ADAMTSL3: variants seen among roughly 807,000 people sequenced by gnomAD.
ADAMTSL3 encodes ADAMTS-like protein 3.
In ADAMTSL3, 128 loss-of-function variants were observed where a neutral mutation model predicts 201.7. The observed-to-expected ratio is 0.63, with a 90% CI of 0.55 to 0.73. ADAMTSL3 has a LOEUF of 0.73. Among genes scored for constraint, ADAMTSL3 ranks in the 30% least tolerant of loss-of-function variants. ADAMTSL3 has a pLI of 0.00. For synonymous variants in ADAMTSL3, 738 were observed against 748.4 expected (o/e 0.99, Z 0.23); for missense variants, 1,990 against 2,119.6 (o/e 0.94, Z 1.20).
At chr15:83,753,415 G>C (rs72746913) in intron 3 of ADAMTSL3, among the ~76,000 whole-genome samples, 19,567 of 152,180 alleles carry the variant, frequency 0.13, 1,633 homozygotes, top group South Asian at 0.29. Context: ...AGAGGTATGA[G>C]ATAGAAACAA....
At chr15:83,983,365 G>A (rs1451520190) in intron 21 of ADAMTSL3, 21 bp downstream of exon 21, 3 of 1,420,786 alleles carry the variant, frequency 2.1e-6, no homozygotes, top group East Asian at 4.9e-5. Flanking sequence ...TAAAAATGCA[G>A]TATTCATTTT....
intron 6 of ADAMTSL3, among the ~76,000 whole-genome samples, chr15:83,826,102 A>G (rs968084518): frequency 1.3e-5 from 2 of 152,008 alleles, no homozygotes; most frequent in Admixed American, 1.3e-4. Flanking sequence ...AATTCTAAAG[A>G]TTAAGGATGT....
intron 9 of ADAMTSL3, among the ~76,000 whole-genome samples, chr15:83,876,481 C>T (rs776910376): frequency 2.8e-4 from 43 of 152,122 alleles, no homozygotes; most frequent in African/African-American, 9.9e-4. Context: ...TATCAGTTTG[C>T]CTATACAGAA....
chr15:83,996,022 A>C (rs952083092), intron 23 of ADAMTSL3, among the ~76,000 whole-genome samples: 3 of 152,216 alleles, frequency 2.0e-5, no homozygotes, highest in African/African-American at 7.2e-5. Flanking sequence ...TAAAGGACAG[A>C]CTAGTAAGTA....
At chr15:83,668,765 A>C (rs1250253625) in intron 2 of ADAMTSL3, among the ~76,000 whole-genome samples, 1 of 152,126 alleles carries the variant, frequency 6.6e-6, no homozygotes, top group African/African-American at 2.4e-5. Context: ...CTATTTTTAA[A>C]AATTTGTGTG....
chr15:83,684,511 C>CTA (rs1220245302), intron 2 of ADAMTSL3, among the ~76,000 whole-genome samples: 1 of 151,870 alleles, frequency 6.6e-6, no homozygotes, highest in Non-Finnish European at 1.5e-5. Context: ...CTGTAGTGTG[C>CTA]TATAGTTGTG....
chr15:83,726,326 C>G (rs932040182), intron 3 of ADAMTSL3, among the ~76,000 whole-genome samples: 1 of 152,030 alleles, frequency 6.6e-6, no homozygotes, highest in Non-Finnish European at 1.5e-5. Flanking sequence ...AATATAAGAT[C>G]ATATCATCTG....
At chr15:83,822,856 G>T (rs904322289) in intron 6 of ADAMTSL3, among the ~76,000 whole-genome samples, 107 of 152,036 alleles carry the variant, frequency 7.0e-4, no homozygotes, top group African/African-American at 2.0e-3. Context: ...CTGGGAGGTG[G>T]AGGTTGTAGC....
chr15:83,996,780 CAAAAAAAAAAAAAAA>C (rs35758954), intron 23 of ADAMTSL3, among the ~76,000 whole-genome samples: 2 of 33,838 alleles, frequency 5.9e-5, no homozygotes, highest in African/African-American at 1.3e-4. Flanking sequence ...GACTCTGCCT[CAAAAAAAAAAAAAAA>C]AAAAAAAAAA....
intron 27 of ADAMTSL3, among the ~76,000 whole-genome samples, chr15:84,030,342 C>T (rs1273969264): frequency 6.6e-6 from 1 of 152,186 alleles, no homozygotes; most frequent in African/African-American, 2.4e-5. Context: ...GGGAGCCCAC[C>T]TCTTACATCA....
intron 23 of ADAMTSL3, among the ~76,000 whole-genome samples, chr15:83,999,595 CTGAT>C (rs1278873878): frequency 1.3e-5 from 2 of 152,146 alleles, no homozygotes; most frequent in Admixed American, 1.3e-4. Flanking sequence ...TTACAGTTTC[CTGAT>C]TAATTCCACA....
In ADAMTSL3 at chr15:83,994,585, CGTTT is replaced by C. The variant is rs1396696166; in HGVS notation, c.3973+3372_3973+3375del. 1.2e-3 allele frequency among the ~76,000 whole-genome samples: 60 copies of C among 50,474 alleles called. 1 individual carries two copies. Among genetic ancestry groups the C allele is most frequent in the Middle Eastern group, 0.025 (1 of 40 alleles). The allele number at this position is 50,474 out of a possible 152,430, so 33.1% of individuals were successfully genotyped here. A position where few individuals can be genotyped will look rare whatever the true frequency, so the allele number is the denominator to read the frequency against. ...GTTTGTTTCTGTTTTTTTGTTTTTT[CGTTT>C]TTTTTTTTTTTTTTTTTTTTTTTTT... is the stretch of plus-strand genomic sequence containing the variant. On this transcript the variant is annotated intron_variant, in intron 23 of 29. Coordinates refer to ENST00000286744, the MANE Select transcript of ADAMTSL3 (RefSeq NM_207517.3).
intron 2 of ADAMTSL3, among the ~76,000 whole-genome samples, chr15:83,660,826 T>C (rs970538062): frequency 2.0e-5 from 3 of 151,776 alleles, no homozygotes; most frequent in Non-Finnish European, 4.4e-5. Context: ...TTGCCATTGC[T>C]TTTGGTGTTT....
intron 19 of ADAMTSL3, 67 bp downstream of exon 19, chr15:83,943,149 T>C: frequency 6.6e-7 from 1 of 1,508,304 alleles, no homozygotes; most frequent in Non-Finnish European, 8.9e-7. Flanking sequence ...CTTCTAAATA[T>C]TTCCACAAGA....
At chr15:83,921,560 G>T (rs1157231632) in intron 16 of ADAMTSL3, among the ~76,000 whole-genome samples, 1 of 152,160 alleles carries the variant, frequency 6.6e-6, no homozygotes, top group Non-Finnish European at 1.5e-5. Context: ...CAAGACTGTT[G>T]TTTGCAAATG....
intron 3 of ADAMTSL3, among the ~76,000 whole-genome samples, chr15:83,723,699 C>G (rs1045594085): frequency 2.0e-5 from 3 of 152,030 alleles, no homozygotes; most frequent in Non-Finnish European, 4.4e-5. Flanking sequence ...CATAGGAAAT[C>G]TATAATTTTA....
At chr15:83,766,875 A>G (rs1324091395) in intron 3 of ADAMTSL3, among the ~76,000 whole-genome samples, 1 of 152,206 alleles carries the variant, frequency 6.6e-6, no homozygotes, top group East Asian at 1.9e-4. Context: ...CGGGCGGATC[A>G]CCTGAGGTCA....
chr15:83,815,221 T>C (rs1045128051), intron 5 of ADAMTSL3, among the ~76,000 whole-genome samples: 3 of 152,222 alleles, frequency 2.0e-5, no homozygotes, highest in African/African-American at 7.2e-5. Flanking sequence ...ATGGAATCTA[T>C]TCTTATTAAC....
intron 6 of ADAMTSL3, among the ~76,000 whole-genome samples, chr15:83,827,724 A>G (rs1046478961): frequency 3.9e-5 from 6 of 152,162 alleles, no homozygotes; most frequent in African/African-American, 1.4e-4. Context: ...TCAGCTTTCT[A>G]CATATGGCTA....
Sources: gnomAD v4.1 joint callset for allele counts (sites outside exome capture counted in the v4.1 genomes callset) on GRCh38, gnomAD v4.1.1 for gene constraint, MANE v1.5 for transcripts, NCBI Gene and HGNC (gene_info 2026-07-23, HGNC 2026-07-21) for gene names.